The following MTX2 variants were observed in gnomAD, a reference collection of about 807,000 sequenced individuals.
MTX2 encodes metaxin-2.
Under a neutral mutation model 42.3 loss-of-function variants are expected in MTX2, and 35 were observed. The observed-to-expected ratio is 0.83, with a 90% confidence interval of 0.63 to 1.10. The LOEUF (loss-of-function observed/expected upper bound fraction) is 1.10. MTX2 is among the 50% of genes least tolerant of loss of function. MTX2 has a pLI of 0.00. For synonymous variants in MTX2, 119 were observed against 100.9 expected, an observed-to-expected ratio of 1.18 and a Z score of -1.08; for missense variants, 307 against 304.1, an observed-to-expected ratio of 1.01 and a Z score of -0.07.
At chr2:176,282,087 T>G (rs1309944559) in intron 1 of MTX2, among the ~76,000 whole-genome samples, 2 of 148,200 alleles carry the variant, frequency 1.3e-5, no homozygotes, top group African/African-American at 5.0e-5. Flanking sequence ...TTATCCTTCC[T>G]TAAATTGGTT....
At chr2:176,301,784 A>G (rs929064450) in intron 3 of MTX2, among the ~76,000 whole-genome samples, 2 of 152,194 alleles carry the variant, frequency 1.3e-5, no homozygotes, top group African/African-American at 2.4e-5. Context: ...AATAGTTTAC[A>G]TTAAGGAGTA....
At position 176,296,736 on chromosome 2, in the gene MTX2, T is replaced by C. The variant is rs140664625; in HGVS notation, c.41-124T>C. ...TCTAAGATAGTGTGATTAGTTGCCA[T>C]GTATAAGTCAACCTTAGCAAATGAC... is the stretch of plus-strand genomic sequence containing the variant. On this transcript the variant is annotated intron_variant, in intron 1 of 9. Transcript: ENST00000249442. 788 of 893,472 alleles carry C rather than the reference T, an allele frequency of 8.8e-4. 3 individuals are homozygous for C. The African/African-American group carries it at 0.011, about 13-fold the overall frequency. The allele number at this position is 893,472 out of a possible 1,614,324, so 55.3% of individuals were successfully genotyped here.
At chr2:176,299,686 T>C (rs1437628808) in intron 3 of MTX2, among the ~76,000 whole-genome samples, 2 of 152,230 alleles carry the variant, frequency 1.3e-5, no homozygotes, top group African/African-American at 2.4e-5. Flanking sequence ...TTATCTGATA[T>C]AAACTTTATG....
At chr2:176,303,092 A>G (rs1312439822) in intron 3 of MTX2, among the ~76,000 whole-genome samples, 1 of 152,086 alleles carries the variant, frequency 6.6e-6, no homozygotes, top group Non-Finnish European at 1.5e-5. Context: ...GTTTGATTGG[A>G]TACATTTTGT....
At chr2:176,315,886 G>A (rs1007016338) in intron 3 of MTX2, among the ~76,000 whole-genome samples, 4 of 152,112 alleles carry the variant, frequency 2.6e-5, no homozygotes, top group African/African-American at 9.7e-5. Flanking sequence ...CCTTATTAGT[G>A]AGGCCTTATC....
At chr2:176,323,048 C>T (rs770526848) in intron 3 of MTX2, among the ~76,000 whole-genome samples, 5 of 151,718 alleles carry the variant, frequency 3.3e-5, no homozygotes, top group Non-Finnish European at 7.4e-5. Context: ...AAAATTTGGA[C>T]TTTAGTCATC....
intron 9 of MTX2, among the ~76,000 whole-genome samples, chr2:176,337,229 A>T (rs997077312): frequency 6.6e-6 from 1 of 152,010 alleles, no homozygotes; most frequent in African/African-American, 2.4e-5. Flanking sequence ...TTTTGTAGAG[A>T]TGAGGTTTTG....
At position 176,337,603 on chromosome 2, in the gene MTX2, C is replaced by T. The variant is rs146465401; in HGVS notation, c.731C>T (p.Ala244Val). 3 of 1,613,252 alleles carry T rather than the reference C, an allele frequency of 1.9e-6. No individual in the cohort carries two copies. The highest frequency in any genetic ancestry group is 1.3e-5 in the African/African-American group (1 of 74,882). ...EKVKNYSNLL[A>V]FCRRIEQHYF... ...GTGAAAAACTATAGCAACCTCCTTG[C>T]TTTCTGTAGGAGAATTGAACAGCAC... The change falls in exon 10 of 10, where the codon GCT becomes GTT. Residue 244 changes from alanine to valine, a missense_variant. Ala to Val is a moderately conservative substitution (Grantham distance 64). Coordinates refer to ENST00000249442, the MANE Select transcript of MTX2 (RefSeq NM_006554.5).
chr2:176,310,762 T>G (rs896913528), intron 3 of MTX2, among the ~76,000 whole-genome samples: 3 of 152,182 alleles, frequency 2.0e-5, no homozygotes, highest in African/African-American at 7.2e-5. Flanking sequence ...TCATTTAAGG[T>G]CTTCTCTACA....
At chr2:176,288,882 C>G (rs1477756529) in intron 1 of MTX2, among the ~76,000 whole-genome samples, 1 of 151,834 alleles carries the variant, frequency 6.6e-6, no homozygotes, top group Non-Finnish European at 1.5e-5. Context: ...TATATTAGAT[C>G]ATCGAGAGAT....
chr2:176,313,337 G>T (rs913531964), intron 3 of MTX2, among the ~76,000 whole-genome samples: 1 of 150,520 alleles, frequency 6.6e-6, no homozygotes, highest in Non-Finnish European at 1.5e-5. Context: ...TACCCAGAGA[G>T]CTCTCTCTCT....
chr2:176,314,252 A>G (rs896826820), intron 3 of MTX2, among the ~76,000 whole-genome samples: 1 of 152,088 alleles, frequency 6.6e-6, no homozygotes, highest in Non-Finnish European at 1.5e-5. Flanking sequence ...CCTGGCCAAC[A>G]TGGCAAAACC....
At chr2:176,326,710 G>A (rs1049194275) in intron 4 of MTX2, 115 bp from the exon 5 acceptor site, 2 of 671,862 alleles carry the variant, frequency 3.0e-6, no homozygotes, top group Non-Finnish European at 4.7e-6. Context: ...AAAAGTTACA[G>A]TTTTATGAAA....
intron 1 of MTX2, among the ~76,000 whole-genome samples, chr2:176,284,312 CTTA>C (rs1693145607): frequency 6.6e-6 from 1 of 152,066 alleles, no homozygotes; most frequent in African/African-American, 2.4e-5. Flanking sequence ...CACATACATA[CTTA>C]TTAAGGAAGA....
rs901937344 is a variant in MTX2, at chr2:176,311,700, C to T, written c.136-11692C>T. ...GAGCAAGGCTCTGTGGGCGTGGGAGCCACTGAGCCAGGCACGGGAGAGAAT... is the reference window on the plus strand; with the variant it reads ...GAGCAAGGCTCTGTGGGCGTGGGAGTCACTGAGCCAGGCACGGGAGAGAAT... On this transcript the variant is annotated intron_variant, in intron 3 of 9. Transcript: ENST00000249442. 6.6e-5 allele frequency among the ~76,000 whole-genome samples: 10 copies of T among 152,216 alleles called. 1 individual carries two copies. The highest frequency in any genetic ancestry group is 2.6e-4 in the Admixed American group (4 of 15,292).
intron 1 of MTX2, among the ~76,000 whole-genome samples, chr2:176,288,152 AT>A (rs985778019): frequency 3.9e-5 from 6 of 152,086 alleles, no homozygotes; most frequent in African/African-American, 7.2e-5. Flanking sequence ...ATATAGTGTT[AT>A]TTTTGACTTG....
intron 1 of MTX2, among the ~76,000 whole-genome samples, chr2:176,283,725 A>G (rs1019339301): frequency 6.6e-6 from 1 of 152,204 alleles, no homozygotes; most frequent in African/African-American, 2.4e-5. Flanking sequence ...GGGAAGAACT[A>G]CTTAGTTTGA....
At chr2:176,307,084 A>G (rs1298211621) in intron 3 of MTX2, among the ~76,000 whole-genome samples, 1 of 152,138 alleles carries the variant, frequency 6.6e-6, no homozygotes, top group East Asian at 1.9e-4. Flanking sequence ...TAATTTCTGT[A>G]TAAGGTGTAA....
chr2:176,315,088 A>G (rs1384225325), intron 3 of MTX2, among the ~76,000 whole-genome samples: 2 of 152,186 alleles, frequency 1.3e-5, no homozygotes, highest in African/African-American at 2.4e-5. Flanking sequence ...CAAATTTTTA[A>G]TAGAACCTGC....
Sources: gnomAD v4.1 joint callset for allele counts (sites outside exome capture counted in the v4.1 genomes callset) on GRCh38, gnomAD v4.1.1 for gene constraint, MANE v1.5 for transcripts, NCBI Gene and HGNC (gene_info 2026-07-23, HGNC 2026-07-21) for gene names.